Variants in CCDC152 observed in about 807,000 individuals in gnomAD.
The protein encoded by CCDC152 is coiled-coil domain-containing protein 152.
CCDC152 carries 37 observed loss-of-function variants against 38.1 expected under a neutral mutation model. The ratio of observed to expected loss-of-function variants is 0.97; its 90% CI spans 0.75 to 1.28. CCDC152 has a LOEUF of 1.28. Among genes scored for constraint, CCDC152 ranks in the 50% most tolerant of loss-of-function variants. The pLI, the probability that CCDC152 is intolerant of heterozygous loss-of-function variation, is 0.00. For missense variants in CCDC152, 259 were observed against 292.1 expected (o/e 0.89, Z 0.83); for synonymous variants, 83 against 87.1 (o/e 0.95, Z 0.26).
intron 7 of CCDC152, among the ~76,000 whole-genome samples, chr5:42,798,882 A>G (rs2111608374): frequency 6.6e-6 from 1 of 152,324 alleles, no homozygotes; most frequent in South Asian, 2.1e-4. Flanking sequence ...TATCGACAAG[A>G]TCGTATTCAA....
intron 6 of CCDC152, among the ~76,000 whole-genome samples, chr5:42,796,049 A>G (rs1760071210): frequency 6.6e-6 from 1 of 150,642 alleles, no homozygotes; most frequent in African/African-American, 2.4e-5. Flanking sequence ...ATGAGAACAC[A>G]TGGACACAGG....
intron 6 of CCDC152, among the ~76,000 whole-genome samples, chr5:42,795,341 C>A (rs191438240): frequency 8.1e-4 from 123 of 152,170 alleles, no homozygotes; most frequent in African/African-American, 2.9e-3. Flanking sequence ...GTTTGATTTA[C>A]CAGGGAAATA....
chr5:42,765,331 C>T (rs970660671), intron 3 of CCDC152, among the ~76,000 whole-genome samples: 6 of 152,050 alleles, frequency 3.9e-5, no homozygotes, highest in African/African-American at 7.2e-5. Context: ...TTACAATCCC[C>T]GTACTACTCA....
At chr5:42,793,606 A>G (rs542506478) in intron 6 of CCDC152, among the ~76,000 whole-genome samples, 37 of 152,114 alleles carry the variant, frequency 2.4e-4, no homozygotes, top group African/African-American at 8.0e-4. Context: ...GAACTTGGGG[A>G]ATTTTCTTTT....
intron 6 of CCDC152, among the ~76,000 whole-genome samples, chr5:42,791,856 G>A (rs1760007721): frequency 6.6e-6 from 1 of 152,152 alleles, no homozygotes; most frequent in Admixed American, 6.5e-5. Context: ...TCTGTTCTCA[G>A]GGATACTCAC....
chr5:42,759,634 C>T (rs574996057), intron 2 of CCDC152, among the ~76,000 whole-genome samples: 1 of 152,330 alleles, frequency 6.6e-6, no homozygotes, highest in South Asian at 2.1e-4. Flanking sequence ...TCCATTGTCT[C>T]TGTCAGTCCT....
intron 6 of CCDC152, among the ~76,000 whole-genome samples, chr5:42,790,395 C>T (rs1759982897): frequency 6.6e-6 from 1 of 152,190 alleles, no homozygotes; most frequent in Admixed American, 6.5e-5. Context: ...ATTATCAATG[C>T]CATGTTGATA....
chr5:42,786,737 G>A (rs879498735), intron 6 of CCDC152, among the ~76,000 whole-genome samples: 12 of 151,934 alleles, frequency 7.9e-5, no homozygotes, highest in East Asian at 1.9e-4. Flanking sequence ...TAGGTGCAAC[G>A]TTGGGTTGTT....
chr5:42,791,184 A>G (rs1342075987), intron 6 of CCDC152, among the ~76,000 whole-genome samples: 1 of 152,110 alleles, frequency 6.6e-6, no homozygotes. Flanking sequence ...TCCATTTTTT[A>G]TTTTTTTAAA....
chr5:42,757,330 G>A (rs1303410035), intron 1 of CCDC152, among the ~76,000 whole-genome samples: 1 of 152,132 alleles, frequency 6.6e-6, no homozygotes, highest in Non-Finnish European at 1.5e-5. Context: ...GCAGGCGAGC[G>A]GCGAAGGACC....
chr5:42,784,494 G>A (rs1384849493), intron 6 of CCDC152, among the ~76,000 whole-genome samples: 1 of 152,070 alleles, frequency 6.6e-6, no homozygotes, highest in Non-Finnish European at 1.5e-5. Flanking sequence ...CTTCTTTGTA[G>A]ATTCTGAATA....
At chr5:42,784,389 T>G (rs1759891664) in intron 6 of CCDC152, among the ~76,000 whole-genome samples, 1 of 152,214 alleles carries the variant, frequency 6.6e-6, no homozygotes, top group Admixed American at 6.5e-5. Flanking sequence ...CATATGCTTG[T>G]CAGCTGTGTG....
intron 4 of CCDC152, 77 bp downstream of exon 4, chr5:42,769,742 G>T (rs1109882): frequency 0.76 from 1,057,423 of 1,382,902 alleles, 406,616 homozygotes; most frequent in East Asian, 1. Context: ...GTTTTTACAT[G>T]GTTGATAATA....
chr5:42,772,649 CAAA>C (rs71608661), intron 4 of CCDC152, among the ~76,000 whole-genome samples: 4 of 128,432 alleles, frequency 3.1e-5, no homozygotes, highest in Admixed American at 7.8e-5. Flanking sequence ...GACTCCGTCT[CAAA>C]AAAAAAAAAA....
Position 42,799,477 on chromosome 5 carries a change from C to CAAGCAACAAACCCA in CCDC152, c.642+20_642+21insAGCAACAAACCCAA. 6.9e-7 allele frequency: 1 copy of CAAGCAACAAACCCA among 1,442,156 alleles called. No individual in the cohort carries two copies. Among genetic ancestry groups the CAAGCAACAAACCCA allele is most frequent in the Non-Finnish European group, 9.4e-7 (1 of 1,063,644 alleles). The allele number at this position is 1,442,156 out of a possible 1,614,324, so 89.3% of individuals were successfully genotyped here. On this transcript the variant is annotated intron_variant, in intron 8 of 8. Transcript: ENST00000361970. ...CAGAAGGGTATGTGAGTTTTCCTCT[C>CAAGCAACAAACCCA]AGTATTTGTTGCTTAAGAAAACTTT... is the stretch of plus-strand genomic sequence containing the variant.
chr5:42,770,783 T>G (rs142069913), intron 4 of CCDC152, among the ~76,000 whole-genome samples: 1 of 152,290 alleles, frequency 6.6e-6, no homozygotes, highest in African/African-American at 2.4e-5. Context: ...CTTCTTTCAT[T>G]TCCTTCATCA....
chr5:42,797,439 C>T (rs567736580), intron 7 of CCDC152, among the ~76,000 whole-genome samples: 1 of 152,260 alleles, frequency 6.6e-6, no homozygotes, highest in African/African-American at 2.4e-5. Flanking sequence ...CTAACCTATT[C>T]TCCAACTTAC....
Position 42,800,620 on chromosome 5 carries a change from C to G in CCDC152, c.*839C>G. On this transcript the variant is annotated 3_prime_UTR_variant, in exon 9 of 9. Coordinates refer to ENST00000361970, the MANE Select transcript of CCDC152 (RefSeq NM_001134848.2). ...TAGATTTCTCCATGTTTGCACAAAT[C>G]TAATTTCTATTTTTGGTTCACTAAT... 10 of 1,375,044 alleles carry G rather than the reference C, an allele frequency of 7.3e-6. No homozygotes were observed. The highest frequency in any genetic ancestry group is 9.8e-6 in the Non-Finnish European group (10 of 1,017,024). The allele number at this position is 1,375,044 out of a possible 1,614,324, so 85.2% of individuals were successfully genotyped here.
rs532155376 is a variant in CCDC152, at chr5:42,789,204, C to T, written c.430+5628C>T. 2.0e-5 allele frequency among the ~76,000 whole-genome samples: 3 copies of T among 152,328 alleles called. No individual in the cohort carries two copies. In the South Asian group the frequency reaches 6.2e-4, roughly 32 times the overall value. ...GAAGCACCCTCACTTACCCTTTCTG[C>T]AGGGCTCTGAGTTCCTTTGGTGTTG... On this transcript the variant is annotated intron_variant, in intron 6 of 8. Transcript: ENST00000361970.
Sources: gnomAD v4.1 joint callset for allele counts (sites outside exome capture counted in the v4.1 genomes callset) on GRCh38, gnomAD v4.1.1 for gene constraint, MANE v1.5 for transcripts, NCBI Gene and HGNC (gene_info 2026-07-23, HGNC 2026-07-21) for gene names.